STK3: variants seen among roughly 807,000 people sequenced by gnomAD.
The protein encoded by STK3 is serine/threonine-protein kinase 3.
Under a neutral mutation model 58.0 loss-of-function variants are expected in STK3, and 41 were observed. That is an observed-to-expected ratio of 0.71 (90% CI 0.55 to 0.92). The LOEUF (loss-of-function observed/expected upper bound fraction) is 0.92. STK3 is among the 40% of genes least tolerant of loss of function. The pLI is 0.00. For missense variants in STK3, 479 were observed against 602.7 expected (o/e 0.79, Z 2.15); for synonymous variants, 170 against 191.0 (o/e 0.89, Z 0.91).
intron 4 of STK3, among the ~76,000 whole-genome samples, chr8:98,746,512 C>A (rs1268976793): frequency 2.6e-5 from 4 of 152,042 alleles, no homozygotes; most frequent in Non-Finnish European, 4.4e-5. Flanking sequence ...ACTCAGGAGG[C>A]TGAAGTGGGA....
chr8:98,845,100 A>G (rs1402083897), intron 3 of STK3, among the ~76,000 whole-genome samples: 2 of 152,090 alleles, frequency 1.3e-5, no homozygotes, highest in South Asian at 4.1e-4. Context: ...CCTCGATTCT[A>G]TGGCTACATC....
intron 3 of STK3, among the ~76,000 whole-genome samples, chr8:98,856,846 T>C (rs1836703540): frequency 6.6e-6 from 1 of 152,188 alleles, no homozygotes; most frequent in Non-Finnish European, 1.5e-5. Context: ...ATGTGGTACA[T>C]CTATGTAATT....
intron 3 of STK3, among the ~76,000 whole-genome samples, chr8:98,751,365 C>A (rs185939224): frequency 6.6e-6 from 1 of 152,196 alleles, no homozygotes; most frequent in African/African-American, 2.4e-5. Context: ...CCCATAGCCT[C>A]AGCCCAAAAG....
chr8:98,566,687 T>C (rs1279331123), intron 8 of STK3, among the ~76,000 whole-genome samples: 4 of 152,072 alleles, frequency 2.6e-5, no homozygotes, highest in Non-Finnish European at 5.9e-5. Flanking sequence ...CAATCCAGAG[T>C]CTGGACTGGA....
At chr8:98,606,863 CCAGT>C (rs1254095310) in intron 6 of STK3, among the ~76,000 whole-genome samples, 1 of 152,146 alleles carries the variant, frequency 6.6e-6, no homozygotes, top group African/African-American at 2.4e-5. Flanking sequence ...CTGAATTCTG[CCAGT>C]CATTCTAGCA....
At chr8:98,793,089 C>A (rs1320292669) in intron 1 of STK3, among the ~76,000 whole-genome samples, 1 of 152,132 alleles carries the variant, frequency 6.6e-6, no homozygotes, top group Non-Finnish European at 1.5e-5. Flanking sequence ...GAAAACCAAA[C>A]ATCATATGTT....
chr8:98,346,038 C>A, the STK3 span, among the ~76,000 whole-genome samples: 2 of 152,162 alleles, frequency 1.3e-5, no homozygotes, highest in East Asian at 3.8e-4. Context: ...GTAATCCCAG[C>A]ACTTTGGGAG....
chr8:98,392,556 T>G (rs372977504), upstream of STK3, among the ~76,000 whole-genome samples: 8 of 152,330 alleles, frequency 5.3e-5, no homozygotes, highest in African/African-American at 1.9e-4. Context: ...TGGGACCCCA[T>G]GCCCTAGGAA....
At chr8:98,807,450 G>A (rs1236687033) in intron 1 of STK3, among the ~76,000 whole-genome samples, 1 of 152,054 alleles carries the variant, frequency 6.6e-6, no homozygotes, top group African/African-American at 2.4e-5. Context: ...TAGGGATGGG[G>A]TTTCGCCATG....
chr8:98,876,879 G>C (rs1458984993), intron 3 of STK3, among the ~76,000 whole-genome samples: 1 of 152,204 alleles, frequency 6.6e-6, no homozygotes, highest in Non-Finnish European at 1.5e-5. Flanking sequence ...TTAAATGTAG[G>C]CAATGTGCTT....
At chr8:98,386,225 A>T (rs942212501) in intron 1 of STK3, among the ~76,000 whole-genome samples, 10 of 152,218 alleles carry the variant, frequency 6.6e-5, no homozygotes, top group Non-Finnish European at 1.5e-4. Context: ...AAGAATCTAT[A>T]CCAAAGAAAT....
the STK3 span, among the ~76,000 whole-genome samples, chr8:98,358,202 C>T: frequency 1.3e-5 from 2 of 152,132 alleles, no homozygotes; most frequent in African/African-American, 4.8e-5. Context: ...TGTGCAAATC[C>T]CCAGGAACAC....
intron 6 of STK3, among the ~76,000 whole-genome samples, chr8:98,609,919 A>C (rs145295435): frequency 2.0e-5 from 3 of 151,740 alleles, no homozygotes; most frequent in Admixed American, 2.0e-4. Flanking sequence ...GAGATCAGAG[A>C]TCGCACCACC....
At chr8:98,733,417 T>C (rs1828351016) in intron 4 of STK3, among the ~76,000 whole-genome samples, 1 of 152,176 alleles carries the variant, frequency 6.6e-6, no homozygotes, top group Non-Finnish European at 1.5e-5. Flanking sequence ...AGCATTAGAT[T>C]CTCATAGGAG....
At chr8:98,732,386 A>C (rs774631904) in intron 4 of STK3, among the ~76,000 whole-genome samples, 12 of 152,160 alleles carry the variant, frequency 7.9e-5, no homozygotes, top group Non-Finnish European at 1.5e-4. Context: ...GGGGGAAAAA[A>C]CCTACAAATA....
chr8:98,469,540 T>C (rs960907944), intron 10 of STK3, among the ~76,000 whole-genome samples: 2 of 152,164 alleles, frequency 1.3e-5, no homozygotes, highest in South Asian at 4.1e-4. Flanking sequence ...GGCAGAGAAC[T>C]GAGGTTGGGG....
At chr8:98,830,624 G>T (rs547897201), upstream of STK3, among the ~76,000 whole-genome samples, 10 of 152,162 alleles carry the variant, frequency 6.6e-5, no homozygotes, top group Non-Finnish European at 1.2e-4. Context: ...AAGGAAAGCT[G>T]CAGGAACATT....
At chr8:98,777,918 G>T (rs901363609) in intron 1 of STK3, among the ~76,000 whole-genome samples, 8 of 152,114 alleles carry the variant, frequency 5.3e-5, no homozygotes, top group Non-Finnish European at 7.4e-5. Context: ...CCTAAAACCA[G>T]AAAAACCCTA....
chr8:98,362,809 C>G, the STK3 span, among the ~76,000 whole-genome samples: 125 of 152,350 alleles, frequency 8.2e-4, 1 homozygote, highest in Middle Eastern at 6.8e-3. Flanking sequence ...GCTCCCTTCA[C>G]TTCCTTAGCC....
Sources: allele counts gnomAD v4.1 joint callset (sites outside exome capture counted in the v4.1 genomes callset), GRCh38; gene constraint gnomAD v4.1.1; transcripts MANE v1.5; gene names NCBI Gene and HGNC (gene_info 2026-07-23, HGNC 2026-07-21).